The following NCOA1 variants were observed in gnomAD, a reference collection of about 807,000 sequenced individuals.
The protein encoded by NCOA1 is Hin-2 protein.
Under a neutral mutation model 150.9 loss-of-function variants are expected in NCOA1, and 35 were observed. The ratio of observed to expected loss-of-function variants is 0.23; its 90% CI spans 0.18 to 0.31. The LOEUF is 0.31. Ranked by LOEUF, NCOA1 falls within the 10% of genes least tolerant of loss-of-function variation. The pLI is 1.00. For missense variants in NCOA1, 1,491 were observed against 1,749.3 expected (o/e 0.85, Z 2.63); for synonymous variants, 590 against 630.0 (o/e 0.94, Z 0.95).
At chr2:24,766,244 T>C (rs954026115) in intron 22 of NCOA1, among the ~76,000 whole-genome samples, 1 of 152,234 alleles carries the variant, frequency 6.6e-6, no homozygotes. Flanking sequence ...AGCAGAACTT[T>C]CTAGTTTGTT....
At chr2:24,572,137 T>C (rs1260116128) in intron 2 of NCOA1, among the ~76,000 whole-genome samples, 1 of 152,154 alleles carries the variant, frequency 6.6e-6, no homozygotes, top group Non-Finnish European at 1.5e-5. Context: ...CTTCATAATT[T>C]TGTTCAAAAA....
intron 2 of NCOA1, among the ~76,000 whole-genome samples, chr2:24,582,730 A>C (rs1667246842): frequency 6.6e-6 from 1 of 152,208 alleles, no homozygotes; most frequent in Admixed American, 6.5e-5. Context: ...TAGTAACCCA[A>C]ACAGCATGCA....
chr2:24,563,438 G>A (rs1666369303), intron 1 of NCOA1, among the ~76,000 whole-genome samples: 1 of 152,122 alleles, frequency 6.6e-6, no homozygotes, highest in South Asian at 2.1e-4. Flanking sequence ...TGATTGTAAA[G>A]AAGATGTTAG....
chr2:24,549,009 G>C (rs1665720310), intron 1 of NCOA1, among the ~76,000 whole-genome samples: 1 of 152,282 alleles, frequency 6.6e-6, no homozygotes, highest in Non-Finnish European at 1.5e-5. Context: ...AGTAGGGACT[G>C]TGTGTGGGGG....
intron 14 of NCOA1, among the ~76,000 whole-genome samples, chr2:24,720,438 T>TC (rs1674299171): frequency 6.6e-6 from 1 of 152,232 alleles, no homozygotes; most frequent in African/African-American, 2.4e-5. Context: ...ACAGCTTTTT[T>TC]CTCCCTTGAG....
chr2:24,591,963 C>A (rs1051087120), intron 3 of NCOA1, among the ~76,000 whole-genome samples: 2 of 152,072 alleles, frequency 1.3e-5, no homozygotes, highest in African/African-American at 2.4e-5. Flanking sequence ...AGCACATTAA[C>A]ACAATTTGCA....
intron 17 of NCOA1, among the ~76,000 whole-genome samples, chr2:24,732,424 G>A (rs1293695538): frequency 6.6e-6 from 1 of 152,154 alleles, no homozygotes; most frequent in African/African-American, 2.4e-5. Context: ...GCTACCTAAC[G>A]AGCCACATAT....
intron 4 of NCOA1, among the ~76,000 whole-genome samples, chr2:24,655,488 A>C (rs1161972791): frequency 2.0e-5 from 3 of 152,226 alleles, no homozygotes; most frequent in African/African-American, 7.2e-5. Context: ...CAGATCCTAT[A>C]ATAGACTCAC....
At chr2:24,614,743 T>C (rs1668799228) in intron 3 of NCOA1, among the ~76,000 whole-genome samples, 1 of 152,142 alleles carries the variant, frequency 6.6e-6, no homozygotes, top group Non-Finnish European at 1.5e-5. Flanking sequence ...GCACTGCAAG[T>C]CTGAGAACCA....
At chr2:24,627,181 C>T (rs1210123981) in intron 3 of NCOA1, among the ~76,000 whole-genome samples, 1 of 143,812 alleles carries the variant, frequency 7.0e-6, no homozygotes, top group Non-Finnish European at 1.5e-5. Flanking sequence ...TTCCTCACCC[C>T]CTACCCCCAC....
intron 3 of NCOA1, among the ~76,000 whole-genome samples, chr2:24,602,412 G>C (rs113742468): frequency 0.026 from 3,915 of 152,100 alleles, 65 homozygotes; most frequent in Non-Finnish European, 0.039. Context: ...TGTTGCCCAG[G>C]CTGGTCTCAA....
At chr2:24,738,072 T>G (rs6545699) in intron 17 of NCOA1, among the ~76,000 whole-genome samples, 127,654 of 151,940 alleles carry the variant, frequency 0.84, 54,542 homozygotes, top group East Asian at 0.99. Flanking sequence ...ATGCCTTAGA[T>G]TTGTCATTTT....
chr2:24,510,201 C>T (rs1409110851), intron 1 of NCOA1, among the ~76,000 whole-genome samples: 8 of 152,150 alleles, frequency 5.3e-5, no homozygotes, highest in Admixed American at 3.9e-4. Context: ...AGGCATCTGC[C>T]ACCACACCCA....
chr2:24,765,517 G>A (rs188644515), intron 22 of NCOA1, among the ~76,000 whole-genome samples: 3 of 150,792 alleles, frequency 2.0e-5, no homozygotes, highest in East Asian at 2.0e-4. Context: ...AAAAAAGATC[G>A]AGGAAATGAA....
Position 24,758,121 on chromosome 2 carries a change from C to A in NCOA1, c.4030C>A (p.Gln1344Lys). The A allele has an allele frequency of 6.2e-7, 1 of 1,613,952 alleles. No homozygotes were observed. Among genetic ancestry groups the A allele is most frequent in the Non-Finnish European group, 8.5e-7 (1 of 1,179,918 alleles). ...MMAQMQMSSL[Q>K]MPGMNTVCPE... Reference sequence around the variant, plus strand: ...GGCCCAGATGCAGATGAGCTCTTTGCAGATGCCAGGAATGAACACTGTGTG... The same window carrying A: ...GGCCCAGATGCAGATGAGCTCTTTGAAGATGCCAGGAATGAACACTGTGTG... Residue 1344 changes from glutamine to lysine, a missense_variant, in exon 21 of 23, where the codon CAG becomes AAG. Around this residue, in one of 8 missense-constraint regions of NCOA1, gnomAD observed 485 missense variants for 522.8 expected, o/e 0.93. Coordinates refer to ENST00000348332, the MANE Select transcript of NCOA1 (RefSeq NM_003743.5).
chr2:24,658,952 T>A, intron 5 of NCOA1, 186 bp downstream of exon 5: 1 of 571,890 alleles, frequency 1.7e-6, no homozygotes, highest in South Asian at 2.1e-5. Flanking sequence ...TTGCTTCCTC[T>A]TGATTTCCTT....
rs1330572923 is a variant in NCOA1 at position 24,768,345 on chromosome 2, C to G, written c.4280C>G (p.Pro1427Arg). The G allele has an allele frequency of 6.2e-7, 1 of 1,613,182 alleles. No individual in the cohort carries two copies. Among genetic ancestry groups the G allele is most frequent in the East Asian group, 2.2e-5 (1 of 44,896 alleles). Residue 1427 changes from proline (P) to arginine (R), a missense_variant, in exon 23 of 23, where the codon CCC (proline) becomes CGC (arginine). Pro to Arg is a moderately radical substitution (Grantham distance 103, BLOSUM62 -2). Around this residue, in one of 8 missense-constraint regions of NCOA1, gnomAD observed 46 missense variants for 78.8 expected, o/e 0.58. Transcript: ENST00000348332. ...TQKPTSGPQT[P>R]QAQQKSLLQQ... ...AAGCCCACGTCAGGACCACAGACCC[C>G]CCAGGCCCAGCAGAAGAGCCTCCTT...
intron 3 of NCOA1, among the ~76,000 whole-genome samples, chr2:24,612,248 C>T (rs1668663686): frequency 6.6e-6 from 1 of 152,172 alleles, no homozygotes; most frequent in Non-Finnish European, 1.5e-5. Context: ...CAATCTTATA[C>T]AGTTTCTGCT....
intron 1 of NCOA1, among the ~76,000 whole-genome samples, chr2:24,523,625 A>C (rs1664521547): frequency 7.3e-6 from 1 of 136,636 alleles, no homozygotes; most frequent in Non-Finnish European, 1.6e-5. Flanking sequence ...AAAAAAAAAA[A>C]AAAAAGAAAC....
Sources: allele counts gnomAD v4.1 joint callset (sites outside exome capture counted in the v4.1 genomes callset), GRCh38; gene constraint gnomAD v4.1.1; regional missense constraint gnomAD v4.1.1; transcripts MANE v1.5; gene names NCBI Gene and HGNC (gene_info 2026-07-23, HGNC 2026-07-21).